The following ANK1 variants were observed in gnomAD, a reference collection of about 807,000 sequenced individuals.
ANK1 encodes ankyrin 1, also known as ankyrin-1.
ANK1 carries 51 observed loss-of-function variants against 210.4 expected under a neutral mutation model. That is an observed-to-expected ratio of 0.24 (90% confidence interval 0.19 to 0.31). ANK1 has a LOEUF of 0.31. Among genes scored for constraint, ANK1 ranks in the 10% least tolerant of loss-of-function variants. ANK1 has a pLI of 1.00. For missense variants in ANK1, 2,051 were observed against 2,504.4 expected (o/e 0.82, Z 3.86); for synonymous variants, 967 against 1,025.9 (o/e 0.94, Z 1.10).
chr8:41,717,957 G>T, intron 11 of ANK1, 149 bp downstream of exon 11: 1 of 845,536 alleles, frequency 1.2e-6, no homozygotes, highest in Non-Finnish European at 1.9e-6. Flanking sequence ...CCTTGTCTTA[G>T]TCACCCCTGA....
At chr8:41,758,334 G>GT (rs1418603853) in intron 1 of ANK1, among the ~76,000 whole-genome samples, 197 bp from the exon 2 acceptor site, 3 of 152,034 alleles carry the variant, frequency 2.0e-5, no homozygotes, top group Admixed American at 1.3e-4. Context: ...CCTTCCTTTG[G>GT]TTTTTTGTTT....
At chr8:41,848,741 C>T (rs998390389) in intron 1 of ANK1, among the ~76,000 whole-genome samples, 3 of 152,218 alleles carry the variant, frequency 2.0e-5, no homozygotes, top group Admixed American at 1.3e-4. Flanking sequence ...ATTTACTGCT[C>T]TTAAGGTGAT....
intron 37 of ANK1, among the ~76,000 whole-genome samples, chr8:41,678,777 T>C (rs1454114336): frequency 1.3e-5 from 2 of 152,178 alleles, no homozygotes; most frequent in African/African-American, 4.8e-5. Context: ...TTGCTAATTC[T>C]TTTTTTGTTT....
At chr8:41,735,527 G>A (rs914547987) in intron 2 of ANK1, among the ~76,000 whole-genome samples, 6 of 152,092 alleles carry the variant, frequency 3.9e-5, no homozygotes, top group African/African-American at 9.7e-5. Context: ...CCACCTAGAC[G>A]GAGGGCTTGG....
rs1157614746 is a variant in ANK1 at position 41,708,857 on chromosome 8, T to C, written c.1919A>G (p.His640Arg). ...TGCGTGGCCCTCCTGGGCGGCCAGG[T>C]GAAGGGGCGTCACACCTTGCACCGA... ...AESVQGVTPLHLAAQEGHAEM... is the reference protein window; with the variant it reads ...AESVQGVTPLRLAAQEGHAEM... Residue 640 changes from histidine (H) to arginine (R), a missense_variant, in exon 17 of 43, where the codon CAC (histidine) becomes CGC (arginine). His to Arg is a conservative substitution (Grantham distance 29). Transcript: ENST00000289734. The C allele has an allele frequency of 1.2e-6, 2 of 1,614,014 alleles. No individual in the cohort carries two copies. The highest frequency in any genetic ancestry group is 1.7e-6 in the Non-Finnish European group (2 of 1,180,032).
chr8:41,785,029 C>G (rs903109845), intron 1 of ANK1, among the ~76,000 whole-genome samples: 1 of 152,138 alleles, frequency 6.6e-6, no homozygotes, highest in Non-Finnish European at 1.5e-5. Context: ...GCCCCGGCTT[C>G]TCCTCTTGAG....
intron 1 of ANK1, among the ~76,000 whole-genome samples, chr8:41,783,984 G>A (rs778947834): frequency 2.7e-4 from 41 of 151,842 alleles, no homozygotes; most frequent in Non-Finnish European, 4.7e-4. Context: ...AGGAGGTCGC[G>A]GCTGCAGTGG....
rs1824111055 is a variant in ANK1, at chr8:41,704,793, G to T, written c.2098-321C>A. Among the ~76,000 whole-genome samples, 1 of 152,200 alleles carries T rather than the reference G, an allele frequency of 6.6e-6. No homozygotes were observed. Among genetic ancestry groups the T allele is most frequent in the African/African-American group, 2.4e-5 (1 of 41,464 alleles). ...CCCAGAATAAAGTGGAGGGTGAAAA[G>T]TGGGGCCGAAGGAGTGAGGCAGAGG... On this transcript the variant is annotated intron_variant, in intron 18 of 42. Coordinates refer to ENST00000289734, the MANE Select transcript of ANK1 (RefSeq NM_000037.4). The surrounding 1 kb of genome is among the most constrained non-coding windows in gnomAD (Gnocchi z 4.1).
At chr8:41,677,141 C>A (rs1282823596) in intron 37 of ANK1, among the ~76,000 whole-genome samples, 1 of 152,084 alleles carries the variant, frequency 6.6e-6, no homozygotes, top group African/African-American at 2.4e-5. Context: ...GTCATAATAT[C>A]CCTTTATTGT....
upstream of ANK1, chr8:41,797,623 G>C: frequency 6.3e-7 from 1 of 1,596,408 alleles, no homozygotes; most frequent in Non-Finnish European, 8.5e-7. The surrounding 1 kb of genome is among the most constrained non-coding windows in gnomAD (Gnocchi z 4.0). Context: ...CGCAGCCTCT[G>C]CGGGGCCTGT....
At chr8:41,714,060 C>A (rs1826917015) in intron 16 of ANK1, 96 bp downstream of exon 16, 4 of 891,084 alleles carry the variant, frequency 4.5e-6, no homozygotes, top group Admixed American at 8.1e-5. Context: ...GAACGCAAAA[C>A]CCTTGGGCTG....
intron 1 of ANK1, among the ~76,000 whole-genome samples, chr8:41,830,570 C>T (rs1806402215): frequency 6.6e-6 from 1 of 152,068 alleles, no homozygotes; most frequent in South Asian, 2.1e-4. Context: ...AGCCAAGATT[C>T]CCAGGGAGTG....
At chr8:41,730,762 G>T (rs1165548321) in intron 3 of ANK1, among the ~76,000 whole-genome samples, 1 of 152,234 alleles carries the variant, frequency 6.6e-6, no homozygotes, top group Non-Finnish European at 1.5e-5. Context: ...TGAGCTCCAA[G>T]TGGCATCTTC....
chr8:41,781,019 A>T (rs1162672429), intron 1 of ANK1, among the ~76,000 whole-genome samples: 1 of 152,142 alleles, frequency 6.6e-6, no homozygotes, highest in Non-Finnish European at 1.5e-5. Flanking sequence ...ATCTCATCTC[A>T]CTAGAAAACT....
intron 1 of ANK1, among the ~76,000 whole-genome samples, chr8:41,841,789 C>T (rs537691982): frequency 6.6e-6 from 1 of 152,318 alleles, no homozygotes; most frequent in South Asian, 2.1e-4. Context: ...AGACGGCTGC[C>T]CCTCTCTCTA....
chr8:41,805,088 T>TC (rs1850729953), intron 1 of ANK1, among the ~76,000 whole-genome samples: 3 of 151,846 alleles, frequency 2.0e-5, no homozygotes, highest in African/African-American at 4.8e-5. Context: ...GTGTGTCGTG[T>TC]GTGTGTGTGT....
chr8:41,665,083 C>G, intron 39 of ANK1: 1 of 1,592,852 alleles, frequency 6.3e-7, no homozygotes, highest in Non-Finnish European at 8.5e-7. Flanking sequence ...CACGGGGGGC[C>G]TGCCTCTCAT....
intron 40 of ANK1, 146 bp from the exon 41 acceptor site, chr8:41,662,087 T>A: frequency 9.2e-7 from 1 of 1,091,214 alleles, no homozygotes; most frequent in East Asian, 2.7e-5. Flanking sequence ...TGAAACCCTG[T>A]CTCTACTAAA....
At chr8:41,658,938 T>C (rs1292519450) in intron 42 of ANK1, among the ~76,000 whole-genome samples, 1 of 140,700 alleles carries the variant, frequency 7.1e-6, no homozygotes, top group African/African-American at 2.5e-5. Context: ...AAATAAATAG[T>C]CGCTGTGAAC....
Sources: allele counts gnomAD v4.1 joint callset (sites outside exome capture counted in the v4.1 genomes callset), GRCh38; gene constraint gnomAD v4.1.1; non-coding constraint Gnocchi (gnomAD v3.1); transcripts MANE v1.5; gene names NCBI Gene and HGNC (gene_info 2026-07-23, HGNC 2026-07-21).